Variants in FAM117B observed in about 807,000 individuals in gnomAD.
FAM117B encodes protein FAM117B.
In FAM117B, 22 loss-of-function variants were observed where a neutral mutation model predicts 52.8. The observed-to-expected ratio is 0.42, with a 90% confidence interval of 0.30 to 0.59. FAM117B has a LOEUF of 0.59. FAM117B is among the 20% of genes least tolerant of loss of function. The pLI, the probability that FAM117B is intolerant of heterozygous loss-of-function variation, is 0.22. For synonymous variants in FAM117B, 309 were observed against 324.1 expected, an observed-to-expected ratio of 0.95 and a Z score of 0.50; for missense variants, 678 against 802.6, an observed-to-expected ratio of 0.84 and a Z score of 1.88.
At chr2:202,721,316 G>A (rs1367194994) in intron 2 of FAM117B, among the ~76,000 whole-genome samples, 4 of 152,124 alleles carry the variant, frequency 2.6e-5, no homozygotes, top group African/African-American at 4.8e-5. Context: ...AATATAAAAT[G>A]TATGAAAGAG....
At chr2:202,758,518 T>C (rs1284055908) in intron 6 of FAM117B, among the ~76,000 whole-genome samples, 5 of 152,250 alleles carry the variant, frequency 3.3e-5, no homozygotes. Flanking sequence ...AAAACTGGGC[T>C]GTAGTGCTGC....
At chr2:202,692,832 T>A (rs565729663) in intron 1 of FAM117B, among the ~76,000 whole-genome samples, 1 of 151,898 alleles carries the variant, frequency 6.6e-6, no homozygotes, top group East Asian at 1.9e-4. Flanking sequence ...AATTCTGCCT[T>A]TTTTTTTAAG....
intron 4 of FAM117B, among the ~76,000 whole-genome samples, chr2:202,746,699 A>G (rs972094854): frequency 2.0e-5 from 3 of 152,186 alleles, no homozygotes; most frequent in Admixed American, 2.0e-4. Flanking sequence ...ACCAGGAAAT[A>G]GTAGAAAACC....
At chr2:202,760,488 T>C (rs1691869371) in intron 7 of FAM117B, among the ~76,000 whole-genome samples, 1 of 152,180 alleles carries the variant, frequency 6.6e-6, no homozygotes, top group Admixed American at 6.5e-5. Context: ...TCGCCTTTCC[T>C]TGGGGATATT....
At chr2:202,653,356 CTTTTGTTTTG>C (rs752933244) in intron 1 of FAM117B, among the ~76,000 whole-genome samples, 19 of 152,224 alleles carry the variant, frequency 1.2e-4, no homozygotes, top group East Asian at 3.9e-4. Context: ...AAGTATTTAA[CTTTTGTTTTG>C]TTTTGTTTTG....
intron 2 of FAM117B, among the ~76,000 whole-genome samples, chr2:202,719,976 G>T (rs1350614294): frequency 6.6e-6 from 1 of 152,064 alleles, no homozygotes; most frequent in Non-Finnish European, 1.5e-5. Flanking sequence ...GTTCCTTTCT[G>T]TGCCTGTGGA....
intron 2 of FAM117B, among the ~76,000 whole-genome samples, chr2:202,714,533 C>CTTTTTTT (rs1034689626): frequency 5.9e-4 from 69 of 117,616 alleles, no homozygotes; most frequent in East Asian, 1.2e-3. Flanking sequence ...TTTTTTTTTT[C>CTTTTTTT]TTTTTTTTTT....
At chr2:202,728,479 A>T (rs1469531219) in intron 4 of FAM117B, among the ~76,000 whole-genome samples, 1 of 152,226 alleles carries the variant, frequency 6.6e-6, no homozygotes, top group African/African-American at 2.4e-5. Flanking sequence ...TGAATTTGGA[A>T]TGTTAATTAA....
intron 1 of FAM117B, among the ~76,000 whole-genome samples, chr2:202,649,355 T>C (rs1689921709): frequency 6.6e-6 from 1 of 152,164 alleles, no homozygotes; most frequent in Non-Finnish European, 1.5e-5. Context: ...TCTAAAGTGG[T>C]TGTGCTAGAG....
chr2:202,758,269 C>G (rs1186756476), intron 6 of FAM117B, among the ~76,000 whole-genome samples: 1 of 152,192 alleles, frequency 6.6e-6, no homozygotes, highest in Non-Finnish European at 1.5e-5. Context: ...AGACGATTCA[C>G]TGAAGAAGTT....
intron 2 of FAM117B, among the ~76,000 whole-genome samples, chr2:202,714,244 A>G (rs1691002503): frequency 6.6e-6 from 1 of 152,156 alleles, no homozygotes; most frequent in Non-Finnish European, 1.5e-5. Context: ...TGTCCTTGAG[A>G]ATGATCCATG....
At chr2:202,726,176 T>C in intron 3 of FAM117B, 74 bp from the exon 4 acceptor site, 2 of 963,398 alleles carry the variant, frequency 2.1e-6, no homozygotes, top group Non-Finnish European at 3.2e-6. Flanking sequence ...TTTTACTGGT[T>C]CTTATTAAGC....
chr2:202,650,625 A>G (rs1448258190), intron 1 of FAM117B, among the ~76,000 whole-genome samples: 1 of 152,210 alleles, frequency 6.6e-6, no homozygotes, highest in African/African-American at 2.4e-5. Flanking sequence ...TCCGAGTCCC[A>G]AAACCTTAAA....
chr2:202,739,079 C>T (rs1691484055), intron 4 of FAM117B, among the ~76,000 whole-genome samples: 2 of 152,190 alleles, frequency 1.3e-5, no homozygotes, highest in African/African-American at 2.4e-5. Context: ...ATCCCAGCTA[C>T]TCAGGAAGCT....
intron 4 of FAM117B, among the ~76,000 whole-genome samples, chr2:202,732,357 G>T (rs973342098): frequency 2.0e-5 from 3 of 152,108 alleles, no homozygotes; most frequent in Admixed American, 2.0e-4. Context: ...ACTTGTACAT[G>T]TATGTTAATG....
intron 5 of FAM117B, among the ~76,000 whole-genome samples, chr2:202,756,292 G>A (rs1691799512): frequency 6.6e-6 from 1 of 151,912 alleles, no homozygotes; most frequent in Non-Finnish European, 1.5e-5. Flanking sequence ...GGTGGTGCGT[G>A]CCTGTAATCC....
intron 1 of FAM117B, among the ~76,000 whole-genome samples, chr2:202,661,587 G>T (rs866237612): frequency 2.6e-5 from 4 of 151,978 alleles, no homozygotes; most frequent in Non-Finnish European, 5.9e-5. Context: ...CTCCAGAGTC[G>T]CTCATCCACT....
intron 2 of FAM117B, among the ~76,000 whole-genome samples, chr2:202,717,455 G>A (rs1691076481): frequency 1.3e-5 from 2 of 152,218 alleles, no homozygotes; most frequent in Admixed American, 6.5e-5. Flanking sequence ...CTGGGTGACA[G>A]TGAGATCCTG....
At chr2:202,712,419 CTTTTTTTTT>C (rs1186703318) in intron 2 of FAM117B, among the ~76,000 whole-genome samples, 3 of 89,458 alleles carry the variant, frequency 3.4e-5, no homozygotes, top group African/African-American at 9.1e-5. Flanking sequence ...TATCAGCTCT[CTTTTTTTTT>C]TTTTTTTTTT....
Sources: allele counts gnomAD v4.1 joint callset (sites outside exome capture counted in the v4.1 genomes callset), GRCh38; gene constraint gnomAD v4.1.1; transcripts MANE v1.5; gene names NCBI Gene and HGNC (gene_info 2026-07-23, HGNC 2026-07-21).